The following ESRRG variants were observed in gnomAD, a reference collection of about 807,000 sequenced individuals.
ESRRG encodes estrogen related receptor gamma.
ESRRG carries 13 observed loss-of-function variants against 44.0 expected under a neutral mutation model. The observed-to-expected ratio is 0.30, with a 90% confidence interval of 0.19 to 0.47. ESRRG has a LOEUF of 0.47. Among genes scored for constraint, ESRRG ranks in the 20% least tolerant of loss-of-function variants. The pLI is 1.00. For synonymous variants in ESRRG, 215 were observed against 214.6 expected, an observed-to-expected ratio of 1.00 and a Z score of -0.02; for missense variants, 395 against 580.6, an observed-to-expected ratio of 0.68 and a Z score of 3.29.
chr1:216,512,635 T>C (rs1457665212), intron 6 of ESRRG, among the ~76,000 whole-genome samples: 1 of 152,136 alleles, frequency 6.6e-6, no homozygotes, highest in East Asian at 1.9e-4. Flanking sequence ...TTGAAGGGCT[T>C]TCAGGGGTTA....
chr1:216,732,913 C>T (rs2152135143), intron 2 of ESRRG, among the ~76,000 whole-genome samples: 1 of 151,674 alleles, frequency 6.6e-6, no homozygotes, highest in African/African-American at 2.4e-5. Context: ...GAATTTTACT[C>T]TGGTTAGGCA....
intron 1 of ESRRG, among the ~76,000 whole-genome samples, chr1:217,115,360 C>A (rs1403284879): frequency 4.6e-5 from 7 of 152,098 alleles, no homozygotes. Flanking sequence ...CCAGAACAGC[C>A]CCTTCCTGTC....
rs200351838 is a variant in ESRRG, at chr1:216,506,462, AG to A, written c.*476del. Reference sequence around the variant, plus strand: ...GAAGGTCAAGAGGAAAGGAAAGGAAAGGGAAAAGGAAAGGGAAAAAGGAAAG... The same window carrying A: ...GAAGGTCAAGAGGAAAGGAAAGGAAAGGAAAAGGAAAGGGAAAAAGGAAAG... On this transcript the variant is annotated 3_prime_UTR_variant, in exon 7 of 7. Transcript: ENST00000408911. The A allele has an allele frequency of 2.6e-3, 865 of 335,734 alleles. 5 individuals are homozygous for A. The highest frequency in any genetic ancestry group is 0.018 in the African/African-American group (815 of 45,772). The allele number at this position is 335,734 out of a possible 1,614,324, so 20.8% of individuals were successfully genotyped here. A position where few individuals can be genotyped will look rare whatever the true frequency, so the allele number is the denominator to read the frequency against.
At chr1:216,766,296 G>A (rs373170838) in intron 2 of ESRRG, among the ~76,000 whole-genome samples, 2 of 151,972 alleles carry the variant, frequency 1.3e-5, no homozygotes, top group African/African-American at 2.4e-5. Flanking sequence ...TGCTGTTTGG[G>A]GCACTCTGGA....
At position 216,946,281 on chromosome 1, in the gene ESRRG, G is replaced by A. The variant is rs1436142553; in HGVS notation, c.-105-6608C>T. Among the ~76,000 whole-genome samples, 4 of 152,136 alleles carry A rather than the reference G, an allele frequency of 2.6e-5. No individual in the cohort carries two copies. In the East Asian group the frequency reaches 7.7e-4, roughly 29 times the overall value. On this transcript the variant is annotated intron_variant, in intron 1 of 7. Transcript: ENST00000359162. ...CCCTCCCAAGTAAAACCAAGCAACA[G>A]GCACCTCATAGGAAATTCCAAGCCT...
At chr1:216,809,745 C>T (rs571651167) in intron 2 of ESRRG, among the ~76,000 whole-genome samples, 6 of 152,158 alleles carry the variant, frequency 3.9e-5, no homozygotes, top group African/African-American at 7.2e-5. Flanking sequence ...GGACTGTTGC[C>T]GCTCTTACTG....
At chr1:216,799,895 T>C (rs2094568465) in intron 2 of ESRRG, among the ~76,000 whole-genome samples, 1 of 152,150 alleles carries the variant, frequency 6.6e-6, no homozygotes, top group African/African-American at 2.4e-5. Context: ...GATTATCACT[T>C]ATGTAGCCTT....
chr1:216,591,736 G>A (rs1439875358), intron 3 of ESRRG, among the ~76,000 whole-genome samples: 1 of 152,138 alleles, frequency 6.6e-6, no homozygotes, highest in African/African-American at 2.4e-5. Flanking sequence ...GCAGCTTGAA[G>A]GGGCTCTCTC....
chr1:216,868,162 A>G (rs772123070), intron 2 of ESRRG, among the ~76,000 whole-genome samples: 21 of 134,692 alleles, frequency 1.6e-4, no homozygotes, highest in Non-Finnish European at 2.6e-4. Context: ...ATCTGGGCTC[A>G]CTGCAACCTC....
At chr1:216,524,839 T>TTCCATAAA in intron 5 of ESRRG, among the ~76,000 whole-genome samples, 1 of 152,284 alleles carries the variant, frequency 6.6e-6, no homozygotes, top group South Asian at 2.1e-4. Flanking sequence ...TCCATAAAAC[T>TTCCATAAA]GAGCAAATGA....
At chr1:216,844,283 G>T (rs1055289909) in intron 2 of ESRRG, among the ~76,000 whole-genome samples, 67 of 152,052 alleles carry the variant, frequency 4.4e-4, no homozygotes, top group Non-Finnish European at 1.3e-4. Context: ...TAAATAGGTG[G>T]GTATTGTCAG....
intron 1 of ESRRG, among the ~76,000 whole-genome samples, chr1:216,990,515 A>G (rs915530226): frequency 6.6e-6 from 1 of 152,114 alleles, no homozygotes; most frequent in African/African-American, 2.4e-5. Context: ...GGCTTAAACT[A>G]TGTGGGTCCA....
chr1:216,992,656 A>G (rs551946489), intron 1 of ESRRG, among the ~76,000 whole-genome samples: 43 of 152,240 alleles, frequency 2.8e-4, no homozygotes, highest in Non-Finnish European at 6.2e-4. Flanking sequence ...CTGTGACTGA[A>G]AATAAAAATT....
chr1:217,133,788 C>T (rs830323), intron 1 of ESRRG, among the ~76,000 whole-genome samples: 143,605 of 151,648 alleles, frequency 0.95, 68,509 homozygotes, highest in East Asian at 1. Context: ...CCATTAGGGC[C>T]TAGGGCAAAG....
intron 2 of ESRRG, among the ~76,000 whole-genome samples, chr1:216,786,251 C>T (rs905278975): frequency 1.3e-5 from 2 of 152,086 alleles, no homozygotes; most frequent in Admixed American, 1.3e-4. Flanking sequence ...AATAGACTTC[C>T]TTCCCTTCTG....
intron 2 of ESRRG, among the ~76,000 whole-genome samples, chr1:216,914,970 A>T (rs2060958562): frequency 6.6e-6 from 1 of 152,192 alleles, no homozygotes; most frequent in Non-Finnish European, 1.5e-5. Flanking sequence ...CCAGACCTTT[A>T]TTCAAAGATC....
intron 1 of ESRRG, among the ~76,000 whole-genome samples, chr1:216,981,135 T>C (rs2073901439): frequency 6.6e-6 from 1 of 152,212 alleles, no homozygotes; most frequent in Non-Finnish European, 1.5e-5. Flanking sequence ...ACCTCTGCCC[T>C]TGCTGCCATT....
chr1:216,832,636 A>T (rs556216583), intron 2 of ESRRG, among the ~76,000 whole-genome samples: 2 of 152,198 alleles, frequency 1.3e-5, no homozygotes, highest in East Asian at 3.9e-4. Flanking sequence ...CTGGGAGGAG[A>T]CAAGCCTACC....
At chr1:216,612,433 A>G (rs952999283) in intron 3 of ESRRG, among the ~76,000 whole-genome samples, 1 of 152,178 alleles carries the variant, frequency 6.6e-6, no homozygotes, top group African/African-American at 2.4e-5. Flanking sequence ...ATTAGCTGAT[A>G]TCTTGGGTTA....
Sources: gnomAD v4.1 joint callset for allele counts (sites outside exome capture counted in the v4.1 genomes callset) on GRCh38, gnomAD v4.1.1 for gene constraint, MANE v1.5 for transcripts, NCBI Gene and HGNC (gene_info 2026-07-23, HGNC 2026-07-21) for gene names.